NXN: variants seen among roughly 807,000 people sequenced by gnomAD.
NXN encodes the protein nucleoredoxin, also known as nucleoredoxin 1.
A neutral mutation model predicts 48.6 loss-of-function variants in NXN; 16 were observed. That is an observed-to-expected ratio of 0.33 (90% confidence interval 0.22 to 0.50). The LOEUF is 0.50. Ranked by LOEUF, NXN falls within the 20% of genes least tolerant of loss-of-function variation. NXN has a pLI of 0.98. For missense variants in NXN, 492 were observed against 605.5 expected (o/e 0.81, Z 1.97); for synonymous variants, 281 against 269.6 (o/e 1.04, Z -0.41).
chr17:856,967 C>T (rs921058748), intron 1 of NXN, among the ~76,000 whole-genome samples: 2 of 152,300 alleles, frequency 1.3e-5, no homozygotes, highest in Non-Finnish European at 1.5e-5. Flanking sequence ...GACTTCTACA[C>T]GTCACCCAGT....
intron 1 of NXN, among the ~76,000 whole-genome samples, chr17:974,926 A>C (rs1343846462): frequency 2.0e-5 from 3 of 151,768 alleles, no homozygotes; most frequent in Non-Finnish European, 4.4e-5. Flanking sequence ...TCCTGGGTTT[A>C]AGCAATCCTC....
At chr17:979,279 T>A in intron 1 of NXN, 40 bp downstream of exon 1, 1 of 713,970 alleles carries the variant, frequency 1.4e-6, no homozygotes. Flanking sequence ...GTAACGGGCG[T>A]GGGGGGCGGG....
intron 1 of NXN, among the ~76,000 whole-genome samples, chr17:927,275 TC>T (rs2068809870): frequency 7.2e-6 from 1 of 137,986 alleles, no homozygotes; most frequent in African/African-American, 2.7e-5. Context: ...AGACTCCATC[TC>T]AAAAAAAAAG....
intron 1 of NXN, among the ~76,000 whole-genome samples, chr17:874,355 C>T (rs1371761765): frequency 1.3e-5 from 2 of 152,008 alleles, no homozygotes; most frequent in East Asian, 3.9e-4. Flanking sequence ...TTTGGGAGGC[C>T]GAGGTGGATC....
At chr17:935,097 T>G (rs1240944630) in intron 1 of NXN, among the ~76,000 whole-genome samples, 1 of 151,798 alleles carries the variant, frequency 6.6e-6, no homozygotes, top group Non-Finnish European at 1.5e-5. Context: ...GTTCAAGTGA[T>G]TCTCCTGCCT....
At chr17:843,056 G>GAAAGAAAGCAAGCAAGCAAGC (rs113972004) in intron 1 of NXN, among the ~76,000 whole-genome samples, 2 of 107,220 alleles carry the variant, frequency 1.9e-5, no homozygotes, top group African/African-American at 7.7e-5. Flanking sequence ...AAGAAAGAAA[G>GAAAGAAAGCAAGCAAGCAAGC]AAGGAAGAAA....
At chr17:853,718 TATA>T (rs1475476063) in intron 1 of NXN, among the ~76,000 whole-genome samples, 1,769 of 96,832 alleles carry the variant, frequency 0.018, 19 homozygotes, top group Non-Finnish European at 0.029. Flanking sequence ...TATATATATA[TATA>T]TATTTTTTTT....
At position 841,662 on chromosome 17, in the gene NXN, C is replaced by CGAG. The variant is rs1456965141; in HGVS notation, c.361-15585_361-15584insCTC. ...CACCCTGACCACAGCGCATCTCACG[C>CGAG]CGGCGAGCAGGTCCACCCTGACCAT... On this transcript the variant is annotated intron_variant, in intron 1 of 7. Transcript: ENST00000336868. Among the ~76,000 whole-genome samples the CGAG allele has an allele frequency of 5.5e-4, 77 of 140,112 alleles. 3 individuals are homozygous for CGAG. The highest frequency in any genetic ancestry group is 8.9e-4 in the Non-Finnish European group (56 of 63,046). The allele number at this position is 140,112 out of a possible 152,430, so 91.9% of individuals were successfully genotyped here.
intron 1 of NXN, among the ~76,000 whole-genome samples, chr17:968,654 G>C (rs1236708815): frequency 6.6e-6 from 1 of 152,172 alleles, no homozygotes; most frequent in Non-Finnish European, 1.5e-5. Context: ...AAAATGAAGA[G>C]AGGCCAGGCA....
chr17:848,299 G>A (rs780686072), intron 1 of NXN, among the ~76,000 whole-genome samples: 1 of 152,050 alleles, frequency 6.6e-6, no homozygotes, highest in South Asian at 2.1e-4. Context: ...CACCACGCCC[G>A]GCTAATTTCT....
intron 5 of NXN, among the ~76,000 whole-genome samples, chr17:807,102 G>A (rs1020916098): frequency 6.6e-6 from 1 of 152,206 alleles, no homozygotes; most frequent in East Asian, 1.9e-4. Flanking sequence ...CTGAGGCCGG[G>A]GTCCATGCCC....
At chr17:892,146 A>G (rs1490985583) in intron 1 of NXN, among the ~76,000 whole-genome samples, 1 of 150,990 alleles carries the variant, frequency 6.6e-6, no homozygotes. Flanking sequence ...CCCACCATGC[A>G]CAACCCAACA....
intron 1 of NXN, among the ~76,000 whole-genome samples, chr17:976,106 GCTT>G (rs1430212230): frequency 6.6e-6 from 1 of 152,040 alleles, no homozygotes; most frequent in African/African-American, 2.4e-5. Context: ...AAAAAATTAA[GCTT>G]CAATTACTTT....
chr17:962,229 T>C (rs562484486), intron 1 of NXN, among the ~76,000 whole-genome samples: 1 of 152,298 alleles, frequency 6.6e-6, no homozygotes, highest in South Asian at 2.1e-4. Context: ...TGTACACTTT[T>C]CTCAAAGCAA....
intron 1 of NXN, among the ~76,000 whole-genome samples, chr17:828,864 A>G (rs2144663977): frequency 6.6e-6 from 1 of 152,028 alleles, no homozygotes; most frequent in South Asian, 2.1e-4. Flanking sequence ...TTTTTTTTAG[A>G]AAAGGAAGAT....
intron 1 of NXN, among the ~76,000 whole-genome samples, chr17:918,649 C>T (rs2068714432): frequency 6.6e-6 from 1 of 151,932 alleles, no homozygotes; most frequent in Admixed American, 6.6e-5. Flanking sequence ...AAAAATTATC[C>T]AGGCGCGGTG....
At chr17:873,405 G>A (rs750275038) in intron 1 of NXN, among the ~76,000 whole-genome samples, 1 of 149,788 alleles carries the variant, frequency 6.7e-6, no homozygotes. Flanking sequence ...GCTGAGACAG[G>A]AGAATTGCTT....
At chr17:873,511 G>T (rs1208478578) in intron 1 of NXN, among the ~76,000 whole-genome samples, 1 of 102,242 alleles carries the variant, frequency 9.8e-6, no homozygotes, top group Non-Finnish European at 2.2e-5. Context: ...AAAAAAAAAA[G>T]GAGTCTCCGT....
At chr17:922,614 C>T (rs922404342) in intron 1 of NXN, among the ~76,000 whole-genome samples, 6 of 152,204 alleles carry the variant, frequency 3.9e-5, no homozygotes, top group Admixed American at 3.9e-4. Context: ...AGAGAGACGT[C>T]AGAAGGTGAG....
Sources: gnomAD v4.1 joint callset for allele counts (sites outside exome capture counted in the v4.1 genomes callset) on GRCh38, gnomAD v4.1.1 for gene constraint, MANE v1.5 for transcripts, NCBI Gene and HGNC (gene_info 2026-07-23, HGNC 2026-07-21) for gene names.